Variants in AHR observed in about 807,000 individuals in gnomAD.
AHR encodes aryl hydrocarbon receptor.
In AHR, 40 loss-of-function variants were observed where a neutral mutation model predicts 86.8. That is an observed-to-expected ratio of 0.46 (90% CI 0.36 to 0.60). The LOEUF is 0.60. Among genes scored for constraint, AHR ranks in the 20% least tolerant of loss-of-function variants. AHR has a pLI of 0.00. For synonymous variants in AHR, 398 were observed against 354.9 expected (o/e 1.12, Z -1.37); for missense variants, 1,001 against 1,011.6 (o/e 0.99, Z 0.14).
chr7:17,334,054 A>C lies in AHR; in HGVS notation c.848A>C (p.Lys283Thr). 1.2e-6 allele frequency: 2 copies of C among 1,613,526 alleles called. No individual in the cohort carries two copies. The highest frequency in any genetic ancestry group is 1.7e-6 in the Non-Finnish European group (2 of 1,179,524). Residue 283 changes from lysine (K) to threonine (T), a missense_variant, in exon 7 of 11, where the codon AAA becomes ACA. Lys to Thr is a moderately conservative substitution (Grantham distance 78). Transcript: ENST00000242057. ...CCATCCATACTTGAAATCCGGACCA[A>C]AAATTTTATCTTTAGAACCAAACAC... is the stretch of plus-strand genomic sequence containing the variant. ...QPPSILEIRT[K>T]NFIFRTKHKL...
intron 2 of AHR, among the ~76,000 whole-genome samples, chr7:17,314,452 T>C (rs1394825718): frequency 6.6e-6 from 1 of 152,122 alleles, no homozygotes; most frequent in South Asian, 2.1e-4. Flanking sequence ...CATGGATCTT[T>C]CTTGACTTTA....
Position 17,310,126 on chromosome 7 carries a change from A to T in AHR, c.253+3A>T. ...GAGAGCCAAGAGCTTCTTTGATGGTAAGACAGAAGGGTTTAATTTGTCTAC... is the reference window on the plus strand; with the variant it reads ...GAGAGCCAAGAGCTTCTTTGATGGTTAGACAGAAGGGTTTAATTTGTCTAC... On this transcript the variant is annotated splice_donor_region_variant and intron_variant, in intron 2 of 10. Transcript: ENST00000242057. 2 of 1,612,076 alleles carry T rather than the reference A, an allele frequency of 1.2e-6. No individual in the cohort carries two copies. Among genetic ancestry groups the T allele is most frequent in the Non-Finnish European group, 1.7e-6 (2 of 1,178,302 alleles).
At chr7:17,317,549 G>A (rs941761329) in intron 2 of AHR, among the ~76,000 whole-genome samples, 4 of 152,142 alleles carry the variant, frequency 2.6e-5, no homozygotes, top group African/African-American at 9.6e-5. Context: ...AGAAGTATGA[G>A]GGAATTCAAT....
At chr7:17,327,073 A>C (rs1285964664) in intron 3 of AHR, among the ~76,000 whole-genome samples, 1 of 152,040 alleles carries the variant, frequency 6.6e-6, no homozygotes, top group African/African-American at 2.4e-5. Flanking sequence ...AAAATAATGG[A>C]CCCAAAGTAG....
intron 2 of AHR, among the ~76,000 whole-genome samples, chr7:17,312,537 C>T (rs940252686): frequency 2.0e-4 from 30 of 152,128 alleles, no homozygotes; most frequent in Admixed American, 3.9e-4. Flanking sequence ...CAGACACATA[C>T]ATGATTAGAT....
At chr7:17,329,341 A>G (rs939668104) in intron 4 of AHR, among the ~76,000 whole-genome samples, 5 of 151,926 alleles carry the variant, frequency 3.3e-5, no homozygotes, top group Non-Finnish European at 5.9e-5. Flanking sequence ...CCTGTGACAG[A>G]TGGAAATGTA....
At position 17,335,750 on chromosome 7, in the gene AHR, G is replaced by A. The variant is rs1454083131; in HGVS notation, c.1124G>A (p.Arg375Lys). The change falls in exon 9 of 11, where the codon AGA becomes AAA. Residue 375 changes from arginine (R) to lysine (K), a missense_variant. Arg to Lys is a conservative substitution (Grantham distance 26). Coordinates refer to ENST00000242057, the MANE Select transcript of AHR (RefSeq NM_001621.5). The part of the protein sequence containing the change: ...SNARLLYKNG[R>K]PDYIIVTQRP... Reference sequence around the variant, plus strand: ...GCACGCCTGCTTTATAAAAATGGAAGACCAGATTATATCATTGTAACTCAG... The same window carrying A: ...GCACGCCTGCTTTATAAAAATGGAAAACCAGATTATATCATTGTAACTCAG... 6.2e-7 allele frequency: 1 copy of A among 1,612,980 alleles called. No homozygotes were observed. Among genetic ancestry groups the A allele is most frequent in the Non-Finnish European group, 8.5e-7 (1 of 1,179,490 alleles).
chr7:17,322,789 C>T (rs1406695882), intron 3 of AHR, among the ~76,000 whole-genome samples, 182 bp downstream of exon 3: 1 of 151,968 alleles, frequency 6.6e-6, no homozygotes, highest in African/African-American at 2.4e-5. Flanking sequence ...AGTCATGCAC[C>T]ATATAATGAT....
rs141558328 is a variant in AHR, at chr7:17,320,564, T to G, written c.254-1937T>G. Among the ~76,000 whole-genome samples the G allele has an allele frequency of 2.1e-3, 321 of 152,258 alleles. 1 individual carries two copies. The highest frequency in any genetic ancestry group is 7.2e-3 in the African/African-American group (301 of 41,580). ...GTAAGGGTTTGGCTTTGTTGTTTTCTTTTTAAAAGCAAGTGTTACTGATGC... is the reference window on the plus strand; with the variant it reads ...GTAAGGGTTTGGCTTTGTTGTTTTCGTTTTAAAAGCAAGTGTTACTGATGC... On this transcript the variant is annotated intron_variant, in intron 2 of 10. Coordinates refer to ENST00000242057, the MANE Select transcript of AHR (RefSeq NM_001621.5).
intron 2 of AHR, among the ~76,000 whole-genome samples, chr7:17,317,646 G>A (rs1310861253): frequency 6.6e-6 from 1 of 151,948 alleles, no homozygotes; most frequent in Non-Finnish European, 1.5e-5. Flanking sequence ...AGCATCACTG[G>A]GGAACTTGTT....
At chr7:17,311,628 G>A (rs1782065306) in intron 2 of AHR, among the ~76,000 whole-genome samples, 1 of 152,158 alleles carries the variant, frequency 6.6e-6, no homozygotes, top group South Asian at 2.1e-4. Flanking sequence ...CAGATTTGAG[G>A]ATAGTGATTT....
At chr7:17,341,191 C>A (rs1385890605) in intron 10 of AHR, among the ~76,000 whole-genome samples, 3 of 152,038 alleles carry the variant, frequency 2.0e-5, no homozygotes, top group Non-Finnish European at 4.4e-5. Context: ...TGACCTGAAG[C>A]TTTATCTTTA....
rs143810451 is a variant in AHR at position 17,325,838 on chromosome 7, T to A, written c.361-1921T>A. The stretch of plus-strand genomic sequence containing the variant: ...GGGAGAGAGGATCAGGAAAAATAAC[T>A]GATAAGTACTAGGCTTAATACCTGG... On this transcript the variant is annotated intron_variant, in intron 3 of 10. Transcript: ENST00000242057. 1.4e-3 allele frequency among the ~76,000 whole-genome samples: 219 copies of A among 152,282 alleles called. 2 individuals carry two copies. The highest frequency in any genetic ancestry group is 1.0e-3 in the Non-Finnish European group (69 of 68,024).
chr7:17,337,476 G>GT (rs371840495), intron 9 of AHR, among the ~76,000 whole-genome samples: 1,748 of 134,510 alleles, frequency 0.013, 17 homozygotes, highest in East Asian at 0.029. Flanking sequence ...ACATCTTTCT[G>GT]TTTTTTTTTT....
intron 1 of AHR, among the ~76,000 whole-genome samples, chr7:17,303,065 C>G (rs920671825): frequency 6.6e-6 from 1 of 151,934 alleles, no homozygotes; most frequent in African/African-American, 2.4e-5. Flanking sequence ...CCATACAAAT[C>G]TTTTACAACA....
Position 17,320,981 on chromosome 7 carries a change from A to G in AHR, c.254-1520A>G, listed in dbSNP as rs555271036. Among the ~76,000 whole-genome samples the G allele has an allele frequency of 5.9e-5, 9 of 152,270 alleles. No homozygotes were observed. The South Asian group carries it at 1.0e-3, about 18-fold the overall frequency. On this transcript the variant is annotated intron_variant, in intron 2 of 10. Coordinates refer to ENST00000242057, the MANE Select transcript of AHR (RefSeq NM_001621.5). ...TGATTTACCAGAAAATACACTGCAA[A>G]TATGAAAGACTGCAGACAGGTTTTA...
At chr7:17,300,808 C>G (rs564487624) in intron 1 of AHR, among the ~76,000 whole-genome samples, 1 of 152,132 alleles carries the variant, frequency 6.6e-6, no homozygotes, top group East Asian at 1.9e-4. Context: ...TAATAATACA[C>G]TTAGCATCAT....
In AHR at chr7:17,339,321, A is replaced by G. The variant is rs2115369740; in HGVS notation, c.1496A>G (p.Asn499Ser). The G allele has an allele frequency of 1.9e-6, 3 of 1,614,224 alleles. No individual in the cohort carries two copies. The highest frequency in any genetic ancestry group is 2.5e-6 in the Non-Finnish European group (3 of 1,180,038). Residue 499 changes from asparagine (N) to serine (S), a missense_variant, in exon 10 of 11, where the codon AAT (asparagine) becomes AGT (serine). Physicochemically the swap from Asn to Ser is conservative, Grantham distance 46. Around this residue, in one of 2 missense-constraint regions of AHR, gnomAD observed 607 missense variants for 543.1 expected, o/e 1.12. Coordinates refer to ENST00000242057, the MANE Select transcript of AHR (RefSeq NM_001621.5). ...SMNECRNWQDNTAPMGNDTIL... is the reference protein window; with the variant it reads ...SMNECRNWQDSTAPMGNDTIL... ...AATGAATGCAGAAATTGGCAAGATA[A>G]TACTGCACCGATGGGAAATGATACT... is the stretch of plus-strand genomic sequence containing the variant.
At chr7:17,320,538 T>A (rs989925570) in intron 2 of AHR, among the ~76,000 whole-genome samples, 2 of 152,104 alleles carry the variant, frequency 1.3e-5, no homozygotes, top group Non-Finnish European at 2.9e-5. Flanking sequence ...TATTTCATAA[T>A]GTAAGGGTTT....
Sources: gnomAD v4.1 joint callset for allele counts (sites outside exome capture counted in the v4.1 genomes callset) on GRCh38, gnomAD v4.1.1 for gene constraint, gnomAD v4.1.1 regional missense constraint, MANE v1.5 for transcripts, NCBI Gene and HGNC (gene_info 2026-07-23, HGNC 2026-07-21) for gene names.